The following MFHAS1 variants were observed in gnomAD, a reference collection of about 807,000 sequenced individuals.
MFHAS1 encodes multifunctional ROCO family signaling regulator 1, also known as malignant fibrous histiocytoma-amplified sequence 1.
In MFHAS1, 50 loss-of-function variants were observed where a neutral mutation model predicts 70.4. The ratio of observed to expected loss-of-function variants is 0.71; its 90% confidence interval spans 0.57 to 0.90. MFHAS1 has a LOEUF of 0.90. MFHAS1 is among the 40% of genes least tolerant of loss of function. MFHAS1 has a pLI of 0.00. For synonymous variants in MFHAS1, 952 were observed against 620.0 expected, an observed-to-expected ratio of 1.54 and a Z score of -7.96; for missense variants, 1,795 against 1,347.6, an observed-to-expected ratio of 1.33 and a Z score of -5.20.
chr8:8,829,437 T>G (rs539792310), intron 1 of MFHAS1, among the ~76,000 whole-genome samples: 89 of 152,202 alleles, frequency 5.8e-4, no homozygotes, highest in Admixed American at 1.8e-3. Flanking sequence ...TCAGAGCACG[T>G]TGGGAGGCCT....
At chr8:8,873,925 T>C (rs994267192) in intron 1 of MFHAS1, among the ~76,000 whole-genome samples, 1 of 152,236 alleles carries the variant, frequency 6.6e-6, no homozygotes, top group Admixed American at 6.5e-5. Flanking sequence ...TTGCTATGTC[T>C]AAACACTGCA....
intron 1 of MFHAS1, among the ~76,000 whole-genome samples, chr8:8,886,333 T>C (rs1809751346): frequency 6.6e-6 from 1 of 152,062 alleles, no homozygotes; most frequent in African/African-American, 2.4e-5. Flanking sequence ...CTGATTTTTA[T>C]TTTTTATTTT....
intron 1 of MFHAS1, among the ~76,000 whole-genome samples, chr8:8,811,731 G>A (rs1452802478): frequency 6.6e-6 from 1 of 152,196 alleles, no homozygotes; most frequent in Non-Finnish European, 1.5e-5. Context: ...TCAGGCACAC[G>A]GCAGGCCCTA....
chr8:8,808,971 C>T (rs1308548993), intron 1 of MFHAS1, among the ~76,000 whole-genome samples: 1 of 152,120 alleles, frequency 6.6e-6, no homozygotes, highest in African/African-American at 2.4e-5. Flanking sequence ...TACAGCCACT[C>T]CCCATTGCTC....
At chr8:8,815,595 A>G (rs916891797) in intron 1 of MFHAS1, among the ~76,000 whole-genome samples, 5 of 152,106 alleles carry the variant, frequency 3.3e-5, no homozygotes, top group Admixed American at 3.3e-4. Context: ...TGTGGTTTTG[A>G]TTCACATTTT....
rs527329022 is a variant in MFHAS1, at chr8:8,791,797, T to C, written c.3125+5568A>G. ...TATCTAGGGCCTAATTAGGCTGCCA[T>C]GAAGAAGTTCTAAAGGAGGAGCTCT... On this transcript the variant is annotated intron_variant, in intron 2 of 2. Coordinates refer to ENST00000276282, the MANE Select transcript of MFHAS1 (RefSeq NM_004225.3). 1.6e-4 allele frequency among the ~76,000 whole-genome samples: 24 copies of C among 152,286 alleles called. 1 individual carries two copies. The South Asian group carries it at 4.6e-3, about 29-fold the overall frequency.
chr8:8,838,465 G>A (rs142126458), intron 1 of MFHAS1, among the ~76,000 whole-genome samples: 4 of 152,230 alleles, frequency 2.6e-5, no homozygotes, highest in East Asian at 1.9e-4. Flanking sequence ...GAAAAGAAGC[G>A]AAGCTGTCCT....
At chr8:8,847,016 AT>A (rs1227995574) in intron 1 of MFHAS1, among the ~76,000 whole-genome samples, 2 of 152,202 alleles carry the variant, frequency 1.3e-5, no homozygotes, top group Non-Finnish European at 2.9e-5. Flanking sequence ...GAATAAATGA[AT>A]GAGTGAATTC....
At chr8:8,875,899 T>C (rs1451952595) in intron 1 of MFHAS1, among the ~76,000 whole-genome samples, 1 of 152,162 alleles carries the variant, frequency 6.6e-6, no homozygotes, top group African/African-American at 2.4e-5. Context: ...TAAGTTTTTA[T>C]AAAGGGGAAA....
intron 1 of MFHAS1, among the ~76,000 whole-genome samples, chr8:8,837,293 T>G (rs1807632604): frequency 6.6e-6 from 1 of 152,148 alleles, no homozygotes; most frequent in South Asian, 2.1e-4. Context: ...TAAAAAGCAA[T>G]GCAGCAAAGG....
intron 1 of MFHAS1, among the ~76,000 whole-genome samples, chr8:8,884,241 T>A (rs563643211): frequency 2.1e-4 from 32 of 152,210 alleles, no homozygotes; most frequent in Admixed American, 1.9e-3. Context: ...TAGAACTCTA[T>A]TCTGCACAGT....
At chr8:8,842,394 C>G (rs933543659) in intron 1 of MFHAS1, among the ~76,000 whole-genome samples, 1 of 152,256 alleles carries the variant, frequency 6.6e-6, no homozygotes, top group African/African-American at 2.4e-5. Flanking sequence ...CCACGTTCAC[C>G]AGGCTGATCT....
rs756982002 is a variant in MFHAS1, at chr8:8,797,371, C to A, written c.3119G>T (p.Cys1040Phe). The A allele has an allele frequency of 3.1e-6, 5 of 1,613,892 alleles. No homozygotes were observed. Among genetic ancestry groups the A allele is most frequent in the Non-Finnish European group, 4.2e-6 (5 of 1,179,972 alleles). Residue 1040 changes from cysteine (C) to phenylalanine (F), a missense_variant, in exon 2 of 3, where the codon TGT becomes TTT. Physicochemically the swap from Cys to Phe is radical, Grantham distance 205 (BLOSUM62 -2). Transcript: ENST00000276282. ...YPPTPTVISPCSKKNVGEKHR... is the reference protein window; with the variant it reads ...YPPTPTVISPFSKKNVGEKHR... ...AGGGACTTTGAGAACTCACTTGGAA[C>A]AGGGGCTGATCACAGTCGGCGTGGG...
At position 8,787,087 on chromosome 8, in the gene MFHAS1, T is replaced by TA. The variant is rs201371571; in HGVS notation, c.3126-1033_3126-1032insT. Among the ~76,000 whole-genome samples the TA allele has an allele frequency of 7.4e-4, 110 of 148,096 alleles. 1 individual carries two copies. Among genetic ancestry groups the TA allele is most frequent in the East Asian group, 1.8e-3 (9 of 5,140 alleles). On this transcript the variant is annotated intron_variant, in intron 2 of 2. Coordinates refer to ENST00000276282, the MANE Select transcript of MFHAS1 (RefSeq NM_004225.3). The stretch of plus-strand genomic sequence containing the variant: ...CCATCTTACTCAGTATTATTATTAT[T>TA]TTTTTTTTTTTGAGACAGAGTCTCG...
In MFHAS1 at chr8:8,785,748, T is replaced by C. The variant is rs879073493; in HGVS notation, c.*274A>G. ...GAGAAGCCATTCGACTTTTTTTTTT[T>C]TTTTTTCTTTTCTTCAAGTAGCGCG... On this transcript the variant is annotated 3_prime_UTR_variant, in exon 3 of 3. Transcript: ENST00000276282. 47 of 348,684 alleles carry C rather than the reference T, an allele frequency of 1.3e-4. 2 individuals are homozygous for C. In the South Asian group the frequency reaches 2.8e-3, roughly 21 times the overall value. The allele number at this position is 348,684 out of a possible 1,614,324, so 21.6% of individuals were successfully genotyped here. A position where few individuals can be genotyped will look rare whatever the true frequency, so the allele number is the denominator to read the frequency against.
chr8:8,806,477 T>C (rs1468846341), intron 1 of MFHAS1, among the ~76,000 whole-genome samples: 2 of 152,236 alleles, frequency 1.3e-5, no homozygotes, highest in Non-Finnish European at 2.9e-5. Flanking sequence ...AGAAGGGCTT[T>C]ATTTTTGGTT....
At chr8:8,884,876 C>T (rs1809691727) in intron 1 of MFHAS1, among the ~76,000 whole-genome samples, 1 of 152,024 alleles carries the variant, frequency 6.6e-6, no homozygotes, top group African/African-American at 2.4e-5. Context: ...TCACCTGAGC[C>T]CAAGAGGTCG....
rs190685309 is a variant in MFHAS1 at position 8,884,674 on chromosome 8, T to G, written c.2998+5387A>C. On this transcript the variant is annotated intron_variant, in intron 1 of 2. Coordinates refer to ENST00000276282, the MANE Select transcript of MFHAS1 (RefSeq NM_004225.3). ...TGTGTGAATAACAAAGAAAAAGAGA[T>G]AGTTCTCAGGCAGGGCATGGTGGCT... is the stretch of plus-strand genomic sequence containing the variant. Among the ~76,000 whole-genome samples the G allele has an allele frequency of 3.4e-3, 522 of 152,140 alleles. 4 individuals carry two copies. Among genetic ancestry groups the G allele is most frequent in the African/African-American group, 0.012 (499 of 41,484 alleles).
Position 8,860,255 on chromosome 8 carries a change from T to C in MFHAS1, c.2998+29806A>G, listed in dbSNP as rs189815504. On this transcript the variant is annotated intron_variant, in intron 1 of 2. Transcript: ENST00000276282. ...CAGCCCTTCTTGGGTACACTCTCTT[T>C]GGTGGCAGATGCCCAAAGATAACAG... is the stretch of plus-strand genomic sequence containing the variant. Among the ~76,000 whole-genome samples the C allele has an allele frequency of 6.3e-3, 966 of 152,278 alleles. 7 individuals carry two copies. The highest frequency in any genetic ancestry group is 8.7e-3 in the Non-Finnish European group (589 of 68,010).
Sources: gnomAD v4.1 joint callset for allele counts (sites outside exome capture counted in the v4.1 genomes callset) on GRCh38, gnomAD v4.1.1 for gene constraint, MANE v1.5 for transcripts, NCBI Gene and HGNC (gene_info 2026-07-23, HGNC 2026-07-21) for gene names.